Variants in CHD1 observed in about 807,000 individuals in gnomAD.
The protein encoded by CHD1 is chromodomain helicase DNA binding protein 1, also known as ATP-dependent chromatin remodeler CHD1.
CHD1 carries 36 observed loss-of-function variants against 224.2 expected under a neutral mutation model. The observed-to-expected ratio is 0.16, with a 90% CI of 0.12 to 0.21. The LOEUF (loss-of-function observed/expected upper bound fraction) is 0.21, where lower values mean the gene tolerates loss of function less well. CHD1 is among the 10% of genes least tolerant of loss of function. CHD1 has a pLI of 1.00. For missense variants in CHD1, 1,378 were observed against 1,994.8 expected (o/e 0.69, Z 5.89); for synonymous variants, 668 against 658.3 (o/e 1.01, Z -0.23).
intron 2 of CHD1, among the ~76,000 whole-genome samples, chr5:98,911,046 T>C (rs1267832658): frequency 1.4e-5 from 2 of 147,946 alleles, no homozygotes; most frequent in Admixed American, 6.8e-5. Context: ...TTAAATAAAC[T>C]ACAGCTCCTT....
rs1749764760 is a variant in CHD1, at chr5:98,876,450, G to A, written c.3346C>T (p.Arg1116Trp). Reference protein sequence around the residue: ...GKRPKKRGRPRTIPRENIKGF... With the variant: ...GKRPKKRGRPWTIPRENIKGF... ...TTAATATTCTCCCGAGGAATAGTCCGTGGTCTTCCACGTTTCTTTGGCCTT... is the reference window on the plus strand; with the variant it reads ...TTAATATTCTCCCGAGGAATAGTCCATGGTCTTCCACGTTTCTTTGGCCTT... Residue 1116 changes from arginine to tryptophan, a missense_variant, in exon 24 of 36, where the codon CGG (arginine) becomes TGG (tryptophan). Arg to Trp is a moderately radical substitution (Grantham distance 101). Transcript: ENST00000614616. 1.9e-6 allele frequency: 3 copies of A among 1,614,052 alleles called. No homozygotes were observed. Among genetic ancestry groups the A allele is most frequent in the Non-Finnish European group, 2.5e-6 (3 of 1,179,972 alleles).
Position 98,893,371 on chromosome 5 carries a change from A to T in CHD1, c.1991+45T>A, listed in dbSNP as rs201872117. ...TATTACCTGGGTTTATTCCCACTAA[A>T]CATAATATCCACACAATATGATTAA... On this transcript the variant is annotated intron_variant, in intron 14 of 35. Transcript: ENST00000614616. The T allele has an allele frequency of 7.0e-4, 939 of 1,346,760 alleles. 2 individuals are homozygous for T. The highest frequency in any genetic ancestry group is 1.3e-3 in the Middle Eastern group (6 of 4,780). 83.4% of individuals were successfully genotyped at this position (1,346,760 alleles called of 1,614,324 possible).
chr5:98,868,484 C>T lies in CHD1; in HGVS notation c.4248+11G>A. On this transcript the variant is annotated intron_variant, in intron 31 of 35. Transcript: ENST00000614616. ...GAGTTAATACTAATAATCAGAAAGT[C>T]TAAGGCTTACAATGCTGAATGTCTT... 1 of 1,601,208 alleles carries T rather than the reference C, an allele frequency of 6.2e-7. No individual in the cohort carries two copies. Among genetic ancestry groups the T allele is most frequent in the South Asian group, 1.1e-5 (1 of 87,584 alleles).
intron 18 of CHD1, among the ~76,000 whole-genome samples, chr5:98,883,573 G>C (rs1750357180): frequency 6.6e-6 from 1 of 151,748 alleles, no homozygotes; most frequent in Non-Finnish European, 1.5e-5. Flanking sequence ...ACTAAAAGTA[G>C]AACTACCACT....
rs367898953 is a variant in CHD1 at position 98,877,046 on chromosome 5, A to T, written c.3238-488T>A. On this transcript the variant is annotated intron_variant, in intron 23 of 35. Coordinates refer to ENST00000614616, the MANE Select transcript of CHD1 (RefSeq NM_001270.4). ...TTAGCCAGGTATTTTTGTAGCATGCACCCGTAGTTCCAGCTACATGAGAGG... is the reference window on the plus strand; with the variant it reads ...TTAGCCAGGTATTTTTGTAGCATGCTCCCGTAGTTCCAGCTACATGAGAGG... Among the ~76,000 whole-genome samples the T allele has an allele frequency of 4.6e-5, 7 of 152,198 alleles. 1 individual carries two copies. The East Asian group carries it at 9.7e-4, about 21-fold the overall frequency.
intron 1 of CHD1, among the ~76,000 whole-genome samples, chr5:98,927,394 A>G (rs1019922429): frequency 2.6e-5 from 4 of 152,274 alleles, no homozygotes; most frequent in Admixed American, 6.5e-5. Context: ...GCCAGAAAGT[A>G]CCGAGACAGC....
rs1753707513 is a variant in CHD1, at chr5:98,928,943, T to TCGCCTC, written c.-559_-554dup. On this transcript the variant is annotated 5_prime_UTR_variant, in exon 1 of 36. Coordinates refer to ENST00000614616, the MANE Select transcript of CHD1 (RefSeq NM_001270.4). Reference sequence around the variant, plus strand: ...GCCGCCGCCGCCACCGAGGTCGCCGTCGCCTCCGCCTCCCGCGCGACGTAA... The same window carrying TCGCCTC: ...GCCGCCGCCGCCACCGAGGTCGCCGTCGCCTCCGCCTCCGCCTCCCGCGCGACGTAA... 1 of 152,886 alleles carries TCGCCTC rather than the reference T, an allele frequency of 6.5e-6. No individual in the cohort carries two copies. The highest frequency in any genetic ancestry group is 2.4e-5 in the African/African-American group (1 of 40,970). The allele number at this position is 152,886 out of a possible 1,614,324, so 9.5% of individuals were successfully genotyped here. A position where few individuals can be genotyped will look rare whatever the true frequency, so the allele number is the denominator to read the frequency against.
In CHD1 at chr5:98,885,559, T is replaced by C. The variant is rs772710391; in HGVS notation, c.2568+19A>G. ...ACTAAATCAAAATTATTTATAATTTTAAAAGCACTAATACATACCTCTGAT... is the reference window on the plus strand; with the variant it reads ...ACTAAATCAAAATTATTTATAATTTCAAAAGCACTAATACATACCTCTGAT... On this transcript the variant is annotated intron_variant, in intron 18 of 35. Transcript: ENST00000614616. The C allele has an allele frequency of 3.4e-6, 5 of 1,457,672 alleles. No individual in the cohort carries two copies. The highest frequency in any genetic ancestry group is 4.7e-6 in the Non-Finnish European group (5 of 1,055,598). 90.3% of individuals were successfully genotyped at this position (1,457,672 alleles called of 1,614,324 possible).
chr5:98,906,446 C>T (rs1400349709), intron 2 of CHD1, among the ~76,000 whole-genome samples: 1 of 152,056 alleles, frequency 6.6e-6, no homozygotes, highest in Non-Finnish European at 1.5e-5. Context: ...TTTTTCCTGA[C>T]ATACAACTTT....
At chr5:98,866,550 T>C (rs888158757) in intron 31 of CHD1, among the ~76,000 whole-genome samples, 1 of 152,052 alleles carries the variant, frequency 6.6e-6, no homozygotes, top group Non-Finnish European at 1.5e-5. Context: ...AAGGTGAAAT[T>C]TTCCCTCTTT....
intron 2 of CHD1, among the ~76,000 whole-genome samples, chr5:98,908,537 A>C (rs1485453619): frequency 1.3e-5 from 2 of 152,190 alleles, no homozygotes. Context: ...TAGATGAATA[A>C]ATAAGTAAAT....
At chr5:98,900,011 G>T (rs1021146645) in intron 7 of CHD1, among the ~76,000 whole-genome samples, 1 of 152,090 alleles carries the variant, frequency 6.6e-6, no homozygotes, top group African/African-American at 2.4e-5. Context: ...GGCCCAGCAC[G>T]GTGGCTCACG....
rs893793034 is a variant in CHD1 at position 98,855,785 on chromosome 5, A to C, written c.*595T>G. ...TTAATATTTACAATAATTTACAGCC[A>C]TTTTTTTTGTAAAAAGGCATAATAG... On this transcript the variant is annotated 3_prime_UTR_variant, in exon 36 of 36. Transcript: ENST00000614616. 2 of 151,388 alleles carry C rather than the reference A, an allele frequency of 1.3e-5. No homozygotes were observed. Among genetic ancestry groups the C allele is most frequent in the African/African-American group, 4.9e-5 (2 of 41,206 alleles). The allele number at this position is 151,388 out of a possible 1,614,324, so 9.4% of individuals were successfully genotyped here.
At chr5:98,863,004 A>G (rs778435550) in intron 32 of CHD1, among the ~76,000 whole-genome samples, 18 of 152,142 alleles carry the variant, frequency 1.2e-4, no homozygotes, top group Non-Finnish European at 2.2e-4. Flanking sequence ...TTGCGTGAGG[A>G]TGTTAATTTT....
chr5:98,881,167 A>G lies in CHD1; in HGVS notation c.2969T>C (p.Met990Thr). 1 of 1,579,886 alleles carries G rather than the reference A, an allele frequency of 6.3e-7. No individual in the cohort carries two copies. Among genetic ancestry groups the G allele is most frequent in the South Asian group, 1.1e-5 (1 of 87,308 alleles). Reference sequence around the variant, plus strand: ...TCTCTTCAAGATTTCATCTATATCCATTTCCTATAATTAAAAAGACAATAT... The same window carrying G: ...TCTCTTCAAGATTTCATCTATATCCGTTTCCTATAATTAAAAAGACAATAT... ...PEGEEQEPQE[M>T]DIDEILKRAE... Residue 990 changes from methionine to threonine, a missense_variant, in exon 22 of 36, where the codon ATG (methionine) becomes ACG (threonine). By Grantham distance (81) the Met-to-Thr change is moderately conservative (BLOSUM62 -1). This residue lies in a region of CHD1 where 286 missense variants were observed against 445.1 expected (regional missense o/e 0.64). Transcript: ENST00000614616.
chr5:98,899,365 A>G lies in CHD1; in HGVS notation c.1085+115T>C, dbSNP rs532768530. The stretch of plus-strand genomic sequence containing the variant: ...GGACAAAGACAGCCAACTGTATTAT[A>G]AAGTCTATAGCTATTTTAGGCTATC... On this transcript the variant is annotated intron_variant, in intron 8 of 35. Transcript: ENST00000614616. 86 of 694,110 alleles carry G rather than the reference A, an allele frequency of 1.2e-4. No homozygotes were observed. In the African/African-American group the frequency reaches 1.4e-3, roughly 11 times the overall value. The allele number at this position is 694,110 out of a possible 1,614,324, so 43.0% of individuals were successfully genotyped here. A position where few individuals can be genotyped will look rare whatever the true frequency, so the allele number is the denominator to read the frequency against.
Position 98,881,175 on chromosome 5 carries a change from T to C in CHD1, c.2965-4A>G, listed in dbSNP as rs535282116. ...AGATTTCATCTATATCCATTTCCTATAATTAAAAAGACAATATTTAAATAT... is the reference window on the plus strand; with the variant it reads ...AGATTTCATCTATATCCATTTCCTACAATTAAAAAGACAATATTTAAATAT... On this transcript the variant is annotated splice_polypyrimidine_tract_variant and splice_region_variant and intron_variant, in intron 21 of 35. Coordinates refer to ENST00000614616, the MANE Select transcript of CHD1 (RefSeq NM_001270.4). 1.9e-6 allele frequency: 3 copies of C among 1,572,516 alleles called. No individual in the cohort carries two copies. Among genetic ancestry groups the C allele is most frequent in the Admixed American group, 1.8e-5 (1 of 56,978 alleles).
chr5:98,867,257 GAGGAACGCAA>G (rs1427952960), intron 31 of CHD1, among the ~76,000 whole-genome samples: 1 of 152,074 alleles, frequency 6.6e-6, no homozygotes, highest in African/African-American at 2.4e-5. Flanking sequence ...CCCTCACTTT[GAGGAACGCAA>G]AGGCATGACA....
intron 20 of CHD1, among the ~76,000 whole-genome samples, chr5:98,881,698 T>C (rs1750200890): frequency 1.3e-5 from 2 of 152,062 alleles, no homozygotes; most frequent in African/African-American, 4.8e-5. Flanking sequence ...TTTGCAGAGG[T>C]GGGGTTTCAC....
Sources: allele counts gnomAD v4.1 joint callset (sites outside exome capture counted in the v4.1 genomes callset), GRCh38; gene constraint gnomAD v4.1.1; regional missense constraint gnomAD v4.1.1; transcripts MANE v1.5; gene names NCBI Gene and HGNC (gene_info 2026-07-23, HGNC 2026-07-21).